STOX2: variants seen among roughly 807,000 people sequenced by gnomAD.
STOX2 encodes the protein storkhead-box protein 2.
A neutral mutation model predicts 60.9 loss-of-function variants in STOX2; 28 were observed. The ratio of observed to expected loss-of-function variants is 0.46; its 90% CI spans 0.34 to 0.63. The LOEUF is 0.63. STOX2 is among the 30% of genes least tolerant of loss of function. The probability of loss-of-function intolerance (pLI) is 0.01; values close to 1 mark genes in which losing one functional copy is unlikely to be tolerated. For synonymous variants in STOX2, 472 were observed against 463.9 expected (o/e 1.02, Z -0.22); for missense variants, 1,024 against 1,187.7 (o/e 0.86, Z 2.03).
chr4:183,901,588 T>G (rs1322100865), upstream of STOX2, among the ~76,000 whole-genome samples: 1 of 137,016 alleles, frequency 7.3e-6, no homozygotes, highest in African/African-American at 3.0e-5. Flanking sequence ...TATTTTCTGG[T>G]TTTTGGGTAT....
At chr4:183,916,649 G>A (rs1741938825) in intron 1 of STOX2, among the ~76,000 whole-genome samples, 1 of 152,288 alleles carries the variant, frequency 6.6e-6, no homozygotes, top group East Asian at 1.9e-4. Context: ...AAAAGAGCCA[G>A]CATGGGTATA....
chr4:183,873,769 TCTC>T, intron 1 of STOX2, among the ~76,000 whole-genome samples: 1 of 152,310 alleles, frequency 6.6e-6, no homozygotes, highest in East Asian at 1.9e-4. Context: ...TGTGTGTGCT[TCTC>T]CTGAAAATTG....
At position 183,806,388 on chromosome 4, in the gene STOX2, CCTT is replaced by C. The variant is rs1738890339; in HGVS notation, c.364+8336_364+8338del. ...ATGCATAGTGAGTCCAAAATCACCT[CCTT>C]CTCATGAATCCGGGAGTCCCTGGAG... On this transcript the variant is annotated intron_variant, in intron 1 of 2. Transcript: ENST00000513034. This position sits in a 1 kb window ranked among gnomAD's most constrained non-coding sequence, Gnocchi z 4.1. Among the ~76,000 whole-genome samples the C allele has an allele frequency of 6.6e-6, 1 of 152,152 alleles. No individual in the cohort carries two copies. The highest frequency in any genetic ancestry group is 2.4e-5 in the African/African-American group (1 of 41,444).
chr4:183,811,179 G>T (rs1739025775), intron 1 of STOX2, among the ~76,000 whole-genome samples: 3 of 152,208 alleles, frequency 2.0e-5, no homozygotes, highest in African/African-American at 7.2e-5. Flanking sequence ...AAAGGACGGG[G>T]AGGGGTGATA....
intron 1 of STOX2, among the ~76,000 whole-genome samples, chr4:183,964,428 C>T (rs1029388644): frequency 9.9e-5 from 15 of 152,158 alleles, no homozygotes; most frequent in East Asian, 1.9e-4. Context: ...ATGCCAACAG[C>T]GCTGGGAGAG....
intron 1 of STOX2, among the ~76,000 whole-genome samples, chr4:183,848,891 C>T (rs1740046245): frequency 6.6e-6 from 1 of 152,110 alleles, no homozygotes; most frequent in South Asian, 2.1e-4. Flanking sequence ...ATGTTGGGGC[C>T]CAGGTGGAGG....
intron 1 of STOX2, among the ~76,000 whole-genome samples, chr4:183,850,736 AAAG>A (rs534875460): frequency 1.7e-3 from 263 of 152,336 alleles, no homozygotes; most frequent in African/African-American, 6.1e-3. Flanking sequence ...CTCAAGAAAA[AAAG>A]AAGAAGTCAA....
At chr4:183,839,151 C>T (rs1739788417) in intron 1 of STOX2, among the ~76,000 whole-genome samples, 1 of 152,192 alleles carries the variant, frequency 6.6e-6, no homozygotes, top group South Asian at 2.1e-4. Context: ...GCAGAGTTCC[C>T]TCTTCCTTGG....
At chr4:183,802,155 A>C (rs1738779082) in intron 1 of STOX2, among the ~76,000 whole-genome samples, 1 of 152,212 alleles carries the variant, frequency 6.6e-6, no homozygotes, top group African/African-American at 2.4e-5. Flanking sequence ...CCAAATGGGA[A>C]AGTGGCACTT....
chr4:183,931,005 C>G (rs144759779), intron 1 of STOX2, among the ~76,000 whole-genome samples: 978 of 77,650 alleles, frequency 0.013, 13 homozygotes, highest in African/African-American at 0.023. Flanking sequence ...AAATATTCAT[C>G]TAGAAACTGT....
chr4:183,904,945 C>T (rs1741546061), upstream of STOX2, among the ~76,000 whole-genome samples: 3 of 152,278 alleles, frequency 2.0e-5, no homozygotes, highest in African/African-American at 7.2e-5. Flanking sequence ...CATCTTGGCA[C>T]CTGTGAATAT....
chr4:183,914,266 C>T (rs12508571), intron 1 of STOX2, among the ~76,000 whole-genome samples: 2,797 of 152,058 alleles, frequency 0.018, 80 homozygotes, highest in African/African-American at 0.047. Context: ...GGCGAAACCC[C>T]GTCTCTACAA....
chr4:183,873,188 C>T (rs991488532), intron 1 of STOX2, among the ~76,000 whole-genome samples: 1 of 152,024 alleles, frequency 6.6e-6, no homozygotes, highest in Admixed American at 6.6e-5. Flanking sequence ...TGGTTTACAC[C>T]TGTAATCCCA....
intron 1 of STOX2, among the ~76,000 whole-genome samples, chr4:183,822,901 G>A (rs1310303060): frequency 6.6e-6 from 1 of 152,226 alleles, no homozygotes; most frequent in African/African-American, 2.4e-5. Flanking sequence ...AGGTCCAGCT[G>A]TGCAGTGCTG....
intron 1 of STOX2, among the ~76,000 whole-genome samples, chr4:183,892,404 G>A (rs545899576): frequency 6.6e-5 from 10 of 151,660 alleles, no homozygotes; most frequent in South Asian, 2.1e-4. Flanking sequence ...TCAGCCTCCC[G>A]AGTAGCTGGG....
At chr4:183,815,180 A>G (rs943298813) in intron 1 of STOX2, among the ~76,000 whole-genome samples, 1 of 151,460 alleles carries the variant, frequency 6.6e-6, no homozygotes, top group Admixed American at 6.6e-5. Context: ...TTATTTTAAT[A>G]GAGAAGGAGT....
intron 1 of STOX2, among the ~76,000 whole-genome samples, chr4:183,802,922 G>A (rs1254778689): frequency 6.6e-6 from 1 of 152,062 alleles, no homozygotes; most frequent in African/African-American, 2.4e-5. Context: ...CACCCGGCCC[G>A]TATCAGTCCA....
chr4:183,913,179 C>A (rs1049869316), intron 1 of STOX2, among the ~76,000 whole-genome samples: 1 of 152,096 alleles, frequency 6.6e-6, no homozygotes, highest in Non-Finnish European at 1.5e-5. Context: ...GGAAGCGGTA[C>A]AAACCAAGGC....
chr4:183,920,106 T>C (rs1025277705), intron 1 of STOX2, among the ~76,000 whole-genome samples: 2 of 152,020 alleles, frequency 1.3e-5, no homozygotes, highest in African/African-American at 4.8e-5. Flanking sequence ...AATAACTTCT[T>C]ATTTTTATTT....
Sources: allele counts gnomAD v4.1 joint callset (sites outside exome capture counted in the v4.1 genomes callset), GRCh38; gene constraint gnomAD v4.1.1; non-coding constraint Gnocchi (gnomAD v3.1); transcripts MANE v1.5; gene names NCBI Gene and HGNC (gene_info 2026-07-23, HGNC 2026-07-21).